The following MRPL20 variants were observed in gnomAD, a reference collection of about 807,000 sequenced individuals.
MRPL20 encodes large ribosomal subunit protein bL20m.
MRPL20 carries 21 observed loss-of-function variants against 20.0 expected under a neutral mutation model. The ratio of observed to expected loss-of-function variants is 1.05; its 90% CI spans 0.74 to 1.51. The LOEUF is 1.51. Among genes scored for constraint, MRPL20 ranks in the 40% most tolerant of loss-of-function variants. The probability of loss-of-function intolerance (pLI) is 0.00; values close to 1 mark genes in which losing one functional copy is unlikely to be tolerated. For missense variants in MRPL20, 252 were observed against 185.6 expected (o/e 1.36, Z -2.08); for synonymous variants, 104 against 73.0 (o/e 1.43, Z -2.17).
At position 1,403,125 on chromosome 1, in the gene MRPL20, T is replaced by C. The variant is rs937337932; in HGVS notation, c.277-869A>G. ...GCCTGAGCAACAGAGTGAGATTGTA[T>C]CCAAAAAAAAAAAGGAACAAAAACA... On this transcript the variant is annotated intron_variant, in intron 3 of 3. Coordinates refer to ENST00000344843, the MANE Select transcript of MRPL20 (RefSeq NM_017971.4). Among the ~76,000 whole-genome samples, 3 of 99,432 alleles carry C rather than the reference T, an allele frequency of 3.0e-5. No individual in the cohort carries two copies. The African/African-American group carries it at 3.3e-4, about 11-fold the overall frequency. 65.2% of individuals were successfully genotyped at this position (99,432 alleles called of 152,430 possible). A position where few individuals can be genotyped will look rare whatever the true frequency, so the allele number is the denominator to read the frequency against.
chr1:1,403,435 T>C (rs557816041), intron 3 of MRPL20, among the ~76,000 whole-genome samples: 20 of 151,886 alleles, frequency 1.3e-4, no homozygotes, highest in African/African-American at 4.8e-4. Context: ...GTAGAGATGG[T>C]GTTTCACCAT....
chr1:1,407,182 A>T lies in MRPL20; in HGVS notation c.36T>A (p.Asn12Lys). 6.2e-7 allele frequency: 1 copy of T among 1,607,240 alleles called. No individual in the cohort carries two copies. The highest frequency in any genetic ancestry group is 8.5e-7 in the Non-Finnish European group (1 of 1,177,186). Residue 12 changes from asparagine (N) to lysine (K), a missense_variant, in exon 1 of 4, where the codon AAT becomes AAA. Transcript: ENST00000344843. ...VFLTAQLWLR[N>K]RVTDRYFRIQ... ...TCCGAAAGTAGCGGTCGGTGACGCG[A>T]TTCCGCAGCCAGAGCTGCGCGGTGA...
chr1:1,405,656 A>G, intron 3 of MRPL20, 153 bp downstream of exon 3: 1 of 1,343,982 alleles, frequency 7.4e-7, no homozygotes, highest in Non-Finnish European at 1.1e-6. Flanking sequence ...ACACCCCATC[A>G]GCATAGCAAA....
chr1:1,406,618 G>A, intron 2 of MRPL20: 1 of 464,908 alleles, frequency 2.2e-6, no homozygotes, highest in East Asian at 4.2e-5. Context: ...AGGGATGAGA[G>A]CAGCAGCGAC....
rs1645334438 is a variant in MRPL20 at position 1,401,992 on chromosome 1, G to A, written c.*91C>T. 4 of 1,407,842 alleles carry A rather than the reference G, an allele frequency of 2.8e-6. No individual in the cohort carries two copies. In the Admixed American group the frequency reaches 6.4e-5, roughly 22 times the overall value. The allele number at this position is 1,407,842 out of a possible 1,614,324, so 87.2% of individuals were successfully genotyped here. Reference sequence around the variant, plus strand: ...CCAGAGAGACAGGGCCATCCCTCATGTCTGTTATTGGGTTGTAGATAAACA... The same window carrying A: ...CCAGAGAGACAGGGCCATCCCTCATATCTGTTATTGGGTTGTAGATAAACA... On this transcript the variant is annotated 3_prime_UTR_variant, in exon 4 of 4. Coordinates refer to ENST00000344843, the MANE Select transcript of MRPL20 (RefSeq NM_017971.4).
intron 2 of MRPL20, chr1:1,406,581 G>T: frequency 2.7e-6 from 1 of 376,848 alleles, no homozygotes; most frequent in East Asian, 6.1e-5. Context: ...GTTGACTTCA[G>T]CTGCCAAAGG....
chr1:1,402,572 G>A (rs940983756), intron 3 of MRPL20: 46 of 1,094,982 alleles, frequency 4.2e-5, no homozygotes, highest in Non-Finnish European at 4.8e-5. Context: ...TGCTGGCCTA[G>A]GGTAACCCTT....
Position 1,402,292 on chromosome 1 carries a change from TGA to T in MRPL20, c.277-38_277-37del, listed in dbSNP as rs1232148081. 4 of 1,583,720 alleles carry T rather than the reference TGA, an allele frequency of 2.5e-6. No homozygotes were observed. In the South Asian group the frequency reaches 3.4e-5, roughly 14 times the overall value. On this transcript the variant is annotated intron_variant, in intron 3 of 3. Transcript: ENST00000344843. The stretch of plus-strand genomic sequence containing the variant: ...AATGAATCAGAACCTGCTGTCAGTG[TGA>T]GACACACACTCCGGCTCCGCGTGGT...
chr1:1,404,255 G>A (rs1449112703), intron 3 of MRPL20, among the ~76,000 whole-genome samples: 2 of 151,118 alleles, frequency 1.3e-5, no homozygotes, highest in African/African-American at 2.4e-5. Flanking sequence ...CCGGGTTCAC[G>A]CCATTCTCCT....
chr1:1,402,484 G>T, intron 3 of MRPL20: 1 of 1,298,100 alleles, frequency 7.7e-7, no homozygotes, highest in Non-Finnish European at 9.8e-7. Flanking sequence ...CAGGGAGGCT[G>T]GACTCCAGTC....
Position 1,402,505 on chromosome 1 carries a change from CCCGGGGAA to C in MRPL20, c.277-257_277-250del, listed in dbSNP as rs1645341539. On this transcript the variant is annotated intron_variant, in intron 3 of 3. Transcript: ENST00000344843. ...GGCTGGACTCCAGTCCTGATGTCGG[CCCGGGGAA>C]CCAAACACCTTGTTCAGGGTCCTTG... 86 of 1,243,954 alleles carry C rather than the reference CCCGGGGAA, an allele frequency of 6.9e-5. No homozygotes were observed. In the South Asian group the frequency reaches 2.0e-3, roughly 29 times the overall value. The allele number at this position is 1,243,954 out of a possible 1,614,324, so 77.1% of individuals were successfully genotyped here. A position where few individuals can be genotyped will look rare whatever the true frequency, so the allele number is the denominator to read the frequency against.
Position 1,402,213 on chromosome 1 carries a change from A to G in MRPL20, c.320T>C (p.Ile107Thr). 6.2e-7 allele frequency: 1 copy of G among 1,613,944 alleles called. No homozygotes were observed. Among genetic ancestry groups the G allele is most frequent in the East Asian group, 2.2e-5 (1 of 44,872 alleles). ...AGATTTGAAAGTCTTTGGCTCGTAG[A>G]TGGCCAGATCCGCTAGGACTTTCCT... ...LNRKVLADLAIYEPKTFKSLA... is the reference protein window; with the variant it reads ...LNRKVLADLATYEPKTFKSLA... Residue 107 changes from isoleucine to threonine, a missense_variant, in exon 4 of 4, where the codon ATC becomes ACC. Transcript: ENST00000344843.
rs1220732053 is a variant in MRPL20, at chr1:1,407,227, A to C, written c.-10T>G. 2 of 1,589,830 alleles carry C rather than the reference A, an allele frequency of 1.3e-6. No homozygotes were observed. Among genetic ancestry groups the C allele is most frequent in the Admixed American group, 3.6e-5 (2 of 55,978 alleles). ...CGGTGAGGAAGACCATGGCGCCTGCAGGCCGGCGTCCCGAACACTCAACAA... is the reference window on the plus strand; with the variant it reads ...CGGTGAGGAAGACCATGGCGCCTGCCGGCCGGCGTCCCGAACACTCAACAA... On this transcript the variant is annotated 5_prime_UTR_variant, in exon 1 of 4. Coordinates refer to ENST00000344843, the MANE Select transcript of MRPL20 (RefSeq NM_017971.4).
intron 3 of MRPL20, among the ~76,000 whole-genome samples, chr1:1,403,900 G>C (rs1476762302): frequency 2.0e-5 from 3 of 152,158 alleles, no homozygotes; most frequent in African/African-American, 7.2e-5. Flanking sequence ...GGAGTACACT[G>C]GTGTGATCTC....
Position 1,407,178 on chromosome 1 carries a change from C to T in MRPL20, c.40G>A (p.Val14Ile), listed in dbSNP as rs781021756. ...TGGATCCGAAAGTAGCGGTCGGTGACGCGATTCCGCAGCCAGAGCTGCGCG... is the reference window on the plus strand; with the variant it reads ...TGGATCCGAAAGTAGCGGTCGGTGATGCGATTCCGCAGCCAGAGCTGCGCG... Reference protein sequence around the residue: ...LTAQLWLRNRVTDRYFRIQEV... With the variant: ...LTAQLWLRNRITDRYFRIQEV... Residue 14 changes from valine to isoleucine, a missense_variant, in exon 1 of 4, where the codon GTC becomes ATC. Physicochemically the swap from Val to Ile is conservative, Grantham distance 29 (BLOSUM62 3). Transcript: ENST00000344843. 2.1e-5 allele frequency: 34 copies of T among 1,607,158 alleles called. No homozygotes were observed. The highest frequency in any genetic ancestry group is 2.6e-5 in the Non-Finnish European group (31 of 1,177,176).
At chr1:1,406,031 C>G in intron 2 of MRPL20, 145 bp from the exon 3 acceptor site, 3 of 1,190,932 alleles carry the variant, frequency 2.5e-6, no homozygotes, top group Non-Finnish European at 3.4e-6. Flanking sequence ...CTGGCCTAAG[C>G]GAAATCAAGA....
intron 3 of MRPL20, among the ~76,000 whole-genome samples, chr1:1,404,598 T>A (rs1645365948): frequency 6.6e-6 from 1 of 150,788 alleles, no homozygotes; most frequent in Admixed American, 6.6e-5. Flanking sequence ...CCTCCCAAGT[T>A]CAAGCGATTC....
Position 1,407,240 on chromosome 1 carries a change from G to A in MRPL20, c.-23C>T, listed in dbSNP as rs377393102. ...CATGGCGCCTGCAGGCCGGCGTCCC[G>A]AACACTCAACAACGCACGCGCAGCG... On this transcript the variant is annotated 5_prime_UTR_variant, in exon 1 of 4. Transcript: ENST00000344843. 1.5e-5 allele frequency: 24 copies of A among 1,572,052 alleles called. No homozygotes were observed. Among genetic ancestry groups the A allele is most frequent in the Non-Finnish European group, 1.8e-5 (21 of 1,157,480 alleles).
Position 1,406,915 on chromosome 1 carries a change from C to A in MRPL20, c.192G>T (p.Met64Ile), listed in dbSNP as rs1434091444. The A allele has an allele frequency of 1.2e-6, 2 of 1,612,980 alleles. No homozygotes were observed. Among genetic ancestry groups the A allele is most frequent in the Non-Finnish European group, 1.7e-6 (2 of 1,179,036 alleles). Residue 64 changes from methionine to isoleucine, a missense_variant, in exon 2 of 4, where the codon ATG (methionine) becomes ATT (isoleucine). Physicochemically the swap from Met to Ile is conservative, Grantham distance 10. Coordinates refer to ENST00000344843, the MANE Select transcript of MRPL20 (RefSeq NM_017971.4). ...GTCCCGGGTCCACGCTTACGGTCCT[C>A]ATGTTCTTTTTCTTCAGGTATCGGG... ...TKARYLKKKNMRTLWINRITA... is the reference protein window; with the variant it reads ...TKARYLKKKNIRTLWINRITA...
Sources: gnomAD v4.1 joint callset for allele counts (sites outside exome capture counted in the v4.1 genomes callset) on GRCh38, gnomAD v4.1.1 for gene constraint, MANE v1.5 for transcripts, NCBI Gene and HGNC (gene_info 2026-07-23, HGNC 2026-07-21) for gene names.